SLC26A7: variants seen among roughly 807,000 people sequenced by gnomAD.
The protein encoded by SLC26A7 is solute carrier family 26 member 7.
In SLC26A7, 59 loss-of-function variants were observed where a neutral mutation model predicts 82.5. The observed-to-expected ratio is 0.72, with a 90% CI of 0.58 to 0.89. SLC26A7 has a LOEUF of 0.89. SLC26A7 is among the 40% of genes least tolerant of loss of function. The probability of loss-of-function intolerance (pLI) is 0.00; values close to 1 mark genes in which losing one functional copy is unlikely to be tolerated. For missense variants in SLC26A7, 820 were observed against 793.0 expected, an observed-to-expected ratio of 1.03 and a Z score of -0.41; for synonymous variants, 271 against 274.3, an observed-to-expected ratio of 0.99 and a Z score of 0.12.
intron 4 of SLC26A7, among the ~76,000 whole-genome samples, chr8:91,308,047 G>A (rs887050596): frequency 6.6e-6 from 1 of 152,030 alleles, no homozygotes; most frequent in Admixed American, 6.6e-5. Context: ...ATCCCATCCA[G>A]GATACCACAT....
At chr8:91,364,890 A>G (rs1318829211) in intron 13 of SLC26A7, among the ~76,000 whole-genome samples, 2 of 152,198 alleles carry the variant, frequency 1.3e-5, no homozygotes, top group African/African-American at 4.8e-5. Context: ...TAATTTTACT[A>G]TAATATTACA....
intron 2 of SLC26A7, among the ~76,000 whole-genome samples, chr8:91,243,175 G>T (rs1179017907): frequency 6.6e-6 from 1 of 152,128 alleles, no homozygotes; most frequent in Non-Finnish European, 1.5e-5. Context: ...AGGTCATAGG[G>T]AGGGTGATCA....
intron 3 of SLC26A7, among the ~76,000 whole-genome samples, chr8:91,291,676 T>C (rs1446096162): frequency 6.6e-6 from 1 of 152,246 alleles, no homozygotes; most frequent in East Asian, 1.9e-4. Context: ...AAGGAATCAC[T>C]GTAAACATTT....
intron 7 of SLC26A7, 104 bp downstream of exon 7, chr8:91,338,336 T>G (rs1813303115): frequency 1.5e-6 from 1 of 663,322 alleles, no homozygotes; most frequent in South Asian, 3.0e-5. Context: ...TTCTTAATTC[T>G]AATTAATTTC....
intron 3 of SLC26A7, among the ~76,000 whole-genome samples, chr8:91,294,418 C>T (rs945167253): frequency 2.0e-5 from 3 of 152,018 alleles, no homozygotes; most frequent in African/African-American, 7.2e-5. Flanking sequence ...CCTCTCTTAT[C>T]TAGTAAGACC....
At chr8:91,225,535 G>A (rs1003540535) in intron 2 of SLC26A7, among the ~76,000 whole-genome samples, 15 of 151,162 alleles carry the variant, frequency 9.9e-5, no homozygotes, top group African/African-American at 2.4e-5. Flanking sequence ...CTTGGTTGCC[G>A]GTGAAGGATT....
intron 1 of SLC26A7, among the ~76,000 whole-genome samples, chr8:91,209,783 A>G (rs566607016): frequency 3.2e-4 from 48 of 152,338 alleles, no homozygotes; most frequent in Non-Finnish European, 7.3e-5. Context: ...TATCTATTCC[A>G]TCATGTTAAG....
chr8:91,263,615 G>A (rs1400125945), intron 2 of SLC26A7, among the ~76,000 whole-genome samples: 1 of 151,856 alleles, frequency 6.6e-6, no homozygotes, highest in Non-Finnish European at 1.5e-5. Context: ...CCTTTCTTCT[G>A]GGCTTTGCCT....
chr8:91,214,004 G>A (rs939312230), intron 1 of SLC26A7, among the ~76,000 whole-genome samples: 6 of 152,028 alleles, frequency 3.9e-5, no homozygotes, highest in African/African-American at 4.8e-5. Flanking sequence ...GGGGAAAACC[G>A]GTGAGATATA....
At chr8:91,248,871 T>C (rs1563642567), upstream of SLC26A7, among the ~76,000 whole-genome samples, 2 of 152,130 alleles carry the variant, frequency 1.3e-5, no homozygotes, top group Non-Finnish European at 2.9e-5. Context: ...GTGATACTTA[T>C]TCTCTTAGCC....
At chr8:91,272,577 G>A (rs1364210074) in intron 2 of SLC26A7, among the ~76,000 whole-genome samples, 2 of 152,126 alleles carry the variant, frequency 1.3e-5, no homozygotes, top group Non-Finnish European at 2.9e-5. Context: ...AAGTTTACTA[G>A]ATACCACTGA....
intron 2 of SLC26A7, chr8:91,219,160 A>G (rs2130660590): frequency 5.0e-6 from 2 of 399,604 alleles, no homozygotes; most frequent in East Asian, 7.2e-5. Context: ...TCTAAGCACT[A>G]CAATCTGCCT....
intron 5 of SLC26A7, among the ~76,000 whole-genome samples, chr8:91,332,250 A>C (rs575819534): frequency 0.013 from 1,905 of 143,856 alleles, 13 homozygotes; most frequent in Non-Finnish European, 0.02. Flanking sequence ...ATTTAATTAT[A>C]TATTAAATTT....
At chr8:91,278,065 A>G (rs765559154) in intron 2 of SLC26A7, among the ~76,000 whole-genome samples, 6 of 152,186 alleles carry the variant, frequency 3.9e-5, no homozygotes, top group Non-Finnish European at 8.8e-5. Flanking sequence ...CTTCTAGACC[A>G]TCTTTCAGTG....
intron 14 of SLC26A7, among the ~76,000 whole-genome samples, chr8:91,368,413 G>GTTTTTT (rs565439844): frequency 3.4e-5 from 5 of 144,984 alleles, no homozygotes; most frequent in Non-Finnish European, 3.0e-5. Context: ...TTCAGATGAG[G>GTTTTTT]TTTTTTTTTT....
intron 9 of SLC26A7, among the ~76,000 whole-genome samples, chr8:91,347,290 T>C (rs1472628867): frequency 6.6e-6 from 1 of 152,218 alleles, no homozygotes; most frequent in Non-Finnish European, 1.5e-5. Flanking sequence ...AGGCTTAGGA[T>C]CATGCACTTC....
At chr8:91,375,530 C>A (rs941009438) in intron 15 of SLC26A7, among the ~76,000 whole-genome samples, 4 of 150,020 alleles carry the variant, frequency 2.7e-5, no homozygotes, top group African/African-American at 4.9e-5. Context: ...TTTTTTTTTT[C>A]TTCAAGAAGG....
At chr8:91,277,711 T>C (rs1446221440) in intron 2 of SLC26A7, among the ~76,000 whole-genome samples, 1 of 152,240 alleles carries the variant, frequency 6.6e-6, no homozygotes, top group Admixed American at 6.5e-5. Flanking sequence ...CCTAAAACTT[T>C]ACAGCTATCA....
At chr8:91,343,914 T>A in intron 9 of SLC26A7, 1 of 494,758 alleles carries the variant, frequency 2.0e-6, no homozygotes, top group Non-Finnish European at 2.6e-6. Context: ...TCTGCACATA[T>A]TTTAAGTTAA....
Sources: gnomAD v4.1 joint callset for allele counts (sites outside exome capture counted in the v4.1 genomes callset) on GRCh38, gnomAD v4.1.1 for gene constraint, MANE v1.5 for transcripts, NCBI Gene and HGNC (gene_info 2026-07-23, HGNC 2026-07-21) for gene names.